The following MGAT3 variants were observed in gnomAD, a reference collection of about 807,000 sequenced individuals.
MGAT3 encodes the protein beta-1,4-mannosyl-glycoprotein 4-beta-N-acetylglucosaminyltransferase.
MGAT3 carries 9 observed loss-of-function variants against 29.8 expected under a neutral mutation model. The observed-to-expected ratio is 0.30, with a 90% CI of 0.18 to 0.53. The LOEUF is 0.53. MGAT3 is among the 20% of genes least tolerant of loss of function. The probability of loss-of-function intolerance (pLI) is 0.96; values close to 1 mark genes in which losing one functional copy is unlikely to be tolerated. For synonymous variants in MGAT3, 397 were observed against 348.9 expected (o/e 1.14, Z -1.54); for missense variants, 557 against 769.5 (o/e 0.72, Z 3.27).
chr22:39,463,270 T>G (rs2077066531), intron 1 of MGAT3, among the ~76,000 whole-genome samples: 1 of 152,220 alleles, frequency 6.6e-6, no homozygotes, highest in African/African-American at 2.4e-5. Context: ...TTTGGCACTT[T>G]GAGGGTACCC....
chr22:39,478,361 A>G (rs12159486), intron 1 of MGAT3, among the ~76,000 whole-genome samples: 1,798 of 152,332 alleles, frequency 0.012, 30 homozygotes, highest in African/African-American at 0.041. Flanking sequence ...ACTGCTGGAC[A>G]TGTGACAGCT....
intron 1 of MGAT3, among the ~76,000 whole-genome samples, chr22:39,480,438 C>T (rs1334481284): frequency 6.6e-6 from 1 of 152,082 alleles, no homozygotes; most frequent in Admixed American, 6.5e-5. Context: ...TGCTGGAGGA[C>T]CTCAAGCCAC....
At chr22:39,460,158 C>T (rs1928458426) in intron 1 of MGAT3, among the ~76,000 whole-genome samples, 1 of 152,218 alleles carries the variant, frequency 6.6e-6, no homozygotes, top group Non-Finnish European at 1.5e-5. Context: ...CCCCTTTGCT[C>T]CCCAGAGTGC....
At chr22:39,475,574 T>A (rs555815552) in intron 1 of MGAT3, among the ~76,000 whole-genome samples, 2 of 152,102 alleles carry the variant, frequency 1.3e-5, no homozygotes, top group Non-Finnish European at 2.9e-5. Context: ...TGGCATCAGC[T>A]CACCACTGCC....
chr22:39,475,425 C>T (rs1311857667), intron 1 of MGAT3, among the ~76,000 whole-genome samples: 1 of 152,048 alleles, frequency 6.6e-6, no homozygotes, highest in East Asian at 1.9e-4. Flanking sequence ...CACCTTTAGC[C>T]CACCTCCCCT....
Position 39,487,339 on chromosome 22 carries a change from TC to T in MGAT3, c.-1-5del. ...CTGATGAGTCTCCTGTCTCTCTCTCTCCCGCAGGATGAAGATGAGACGCTAC... is the reference window on the plus strand; with the variant it reads ...CTGATGAGTCTCCTGTCTCTCTCTCTCCGCAGGATGAAGATGAGACGCTAC... On this transcript the variant is annotated splice_polypyrimidine_tract_variant and splice_region_variant and intron_variant, in intron 1 of 1. Coordinates refer to ENST00000341184, the MANE Select transcript of MGAT3 (RefSeq NM_002409.5). This position sits in a 1 kb window ranked among gnomAD's most constrained non-coding sequence, Gnocchi z 5.7. 1 of 1,608,070 alleles carries T rather than the reference TC, an allele frequency of 6.2e-7. No homozygotes were observed. Among genetic ancestry groups the T allele is most frequent in the Non-Finnish European group, 8.5e-7 (1 of 1,177,780 alleles).
rs540960878 is a variant in MGAT3 at position 39,466,253 on chromosome 22, G to A, written c.-2+8696G>A. Among the ~76,000 whole-genome samples, 10 of 152,258 alleles carry A rather than the reference G, an allele frequency of 6.6e-5. No homozygotes were observed. The South Asian group carries it at 1.9e-3, about 28-fold the overall frequency. On this transcript the variant is annotated intron_variant, in intron 1 of 1. Coordinates refer to ENST00000341184, the MANE Select transcript of MGAT3 (RefSeq NM_002409.5). ...CGGCTCCTGCTTGGTCTGATTCTGG[G>A]GCCACCGCTTGCGGGCAGTGACCGG...
At chr22:39,465,051 G>C (rs1010795859) in intron 1 of MGAT3, among the ~76,000 whole-genome samples, 2 of 152,084 alleles carry the variant, frequency 1.3e-5, no homozygotes, top group Non-Finnish European at 2.9e-5. Flanking sequence ...CACCACGCCC[G>C]GCCTCTGTCA....
rs753602476 is a variant in MGAT3 at position 39,487,627 on chromosome 22, C to T, written c.280C>T (p.His94Tyr). 2.5e-6 allele frequency: 4 copies of T among 1,611,618 alleles called. No homozygotes were observed. ...LPPSKAAEEL[H>Y]RVDLVLPEDT... ...GCCCAGCAAGGCGGCCGAGGAGCTC[C>T]ACCGGGTGGACTTGGTGCTGCCCGA... The change falls in exon 2 of 2, where the codon CAC becomes TAC. Residue 94 changes from histidine (H) to tyrosine (Y), a missense_variant. By Grantham distance (83) the His-to-Tyr change is moderately conservative. Around this residue, in one of 3 missense-constraint regions of MGAT3, gnomAD observed 212 missense variants for 228.5 expected, o/e 0.93. Coordinates refer to ENST00000341184, the MANE Select transcript of MGAT3 (RefSeq NM_002409.5). This position sits in a 1 kb window ranked among gnomAD's most constrained non-coding sequence, Gnocchi z 5.7.
intron 1 of MGAT3, among the ~76,000 whole-genome samples, chr22:39,465,964 T>G (rs887724576): frequency 1.3e-5 from 2 of 148,546 alleles, no homozygotes; most frequent in African/African-American, 2.5e-5. Flanking sequence ...GAAAAAAGCC[T>G]GATAGAGCAA....
chr22:39,479,127 C>T (rs1929051770), intron 1 of MGAT3, among the ~76,000 whole-genome samples: 1 of 152,220 alleles, frequency 6.6e-6, no homozygotes, highest in East Asian at 1.9e-4. Context: ...CACTTGAGCC[C>T]AGGAGGTCGA....
At chr22:39,470,009 G>A (rs1928763883) in intron 1 of MGAT3, among the ~76,000 whole-genome samples, 2 of 152,240 alleles carry the variant, frequency 1.3e-5, no homozygotes, top group African/African-American at 2.4e-5. Context: ...TTCTCATCTG[G>A]GCTCCTGTGT....
chr22:39,485,328 T>C (rs1929241042), intron 1 of MGAT3, among the ~76,000 whole-genome samples: 1 of 152,036 alleles, frequency 6.6e-6, no homozygotes, highest in Non-Finnish European at 1.5e-5. Context: ...AAACGAGGGA[T>C]CCAAATCCAG....
In MGAT3 at chr22:39,487,783, C is replaced by T. The variant is rs1297228579; in HGVS notation, c.436C>T (p.Arg146Trp). Reference sequence around the variant, plus strand: ...TGAGGGGGCCAACGGCTCCTCGGCCCGGCGGCCACCCCGGTACCTCCTGAG... The same window carrying T: ...TGAGGGGGCCAACGGCTCCTCGGCCTGGCGGCCACCCCGGTACCTCCTGAG... ...KPEGANGSSA[R>W]RPPRYLLSAR... Residue 146 changes from arginine to tryptophan, a missense_variant, in exon 2 of 2, where the codon CGG (arginine) becomes TGG (tryptophan). Arg to Trp is a moderately radical substitution (Grantham distance 101, BLOSUM62 -3). This residue lies in a region of MGAT3 where 212 missense variants were observed against 228.5 expected (regional missense o/e 0.93). Transcript: ENST00000341184. This position sits in a 1 kb window ranked among gnomAD's most constrained non-coding sequence, Gnocchi z 5.7. 2.0e-6 allele frequency: 3 copies of T among 1,491,326 alleles called. No individual in the cohort carries two copies. The highest frequency in any genetic ancestry group is 2.7e-6 in the Non-Finnish European group (3 of 1,123,264). The allele number at this position is 1,491,326 out of a possible 1,614,324, so 92.4% of individuals were successfully genotyped here. A position where few individuals can be genotyped will look rare whatever the true frequency, so the allele number is the denominator to read the frequency against.
chr22:39,470,737 C>A (rs1043299612), intron 1 of MGAT3, among the ~76,000 whole-genome samples: 3 of 152,160 alleles, frequency 2.0e-5, no homozygotes, highest in African/African-American at 7.2e-5. Flanking sequence ...GAGGACTGGC[C>A]TGTGTCAAGA....
Position 39,491,816 on chromosome 22 carries a change from T to C in MGAT3, c.*2867T>C, listed in dbSNP as rs1297663978. 1.2e-5 allele frequency: 2 copies of C among 167,068 alleles called. No individual in the cohort carries two copies. Among genetic ancestry groups the C allele is most frequent in the African/African-American group, 4.8e-5 (2 of 41,408 alleles). The allele number at this position is 167,068 out of a possible 1,614,324, so 10.3% of individuals were successfully genotyped here. On this transcript the variant is annotated 3_prime_UTR_variant, in exon 2 of 2. Coordinates refer to ENST00000341184, the MANE Select transcript of MGAT3 (RefSeq NM_002409.5). This position sits in a 1 kb window ranked among gnomAD's most constrained non-coding sequence, Gnocchi z 5.5. ...ACCGGCACACTGCTGCCATGTCCCA[T>C]GTCCACCTTTCTCCCCGGGAATAAC...
rs1479788258 is a variant in MGAT3 at position 39,487,391 on chromosome 22, C to G, written c.44C>G (p.Ala15Gly). 2.5e-6 allele frequency: 4 copies of G among 1,613,450 alleles called. No individual in the cohort carries two copies. In the African/African-American group the frequency reaches 4.0e-5, roughly 16 times the overall value. Residue 15 changes from alanine (A) to glycine (G), a missense_variant, in exon 2 of 2, where the codon GCC (alanine) becomes GGC (glycine). By Grantham distance (60) the Ala-to-Gly change is moderately conservative (BLOSUM62 0). Transcript: ENST00000341184. The surrounding 1 kb of genome is among the most constrained non-coding windows in gnomAD (Gnocchi z 5.7). ...AAGCTCTTTCTCATGTTCTGTATGG[C>G]CGGCCTGTGCCTCATCTCCTTCCTG... ...RYKLFLMFCM[A>G]GLCLISFLHF...
At chr22:39,465,300 C>A (rs1224788581) in intron 1 of MGAT3, among the ~76,000 whole-genome samples, 1 of 152,132 alleles carries the variant, frequency 6.6e-6, no homozygotes, top group African/African-American at 2.4e-5. Flanking sequence ...TCCCAGGGCC[C>A]CAGACGTTAA....
chr22:39,472,044 G>T (rs540924077), intron 1 of MGAT3, among the ~76,000 whole-genome samples: 1 of 152,202 alleles, frequency 6.6e-6, no homozygotes, highest in Non-Finnish European at 1.5e-5. Flanking sequence ...AAAGCTCTGG[G>T]CTCAGCCTCC....
Sources: gnomAD v4.1 joint callset for allele counts (sites outside exome capture counted in the v4.1 genomes callset) on GRCh38, gnomAD v4.1.1 for gene constraint, gnomAD v4.1.1 regional missense constraint, Gnocchi (gnomAD v3.1) non-coding constraint, MANE v1.5 for transcripts, NCBI Gene and HGNC (gene_info 2026-07-23, HGNC 2026-07-21) for gene names.